The following SPATS2 variants were observed in gnomAD, a reference collection of about 807,000 sequenced individuals.
The protein encoded by SPATS2 is spermatogenesis associated serine rich 2.
In SPATS2, 38 loss-of-function variants were observed where a neutral mutation model predicts 63.7. The observed-to-expected ratio is 0.60, with a 90% CI of 0.46 to 0.78. SPATS2 has a LOEUF of 0.78. Ranked by LOEUF, SPATS2 falls within the 30% of genes least tolerant of loss-of-function variation. SPATS2 has a pLI of 0.00. For missense variants in SPATS2, 588 were observed against 666.2 expected, an observed-to-expected ratio of 0.88 and a Z score of 1.29; for synonymous variants, 207 against 232.9, an observed-to-expected ratio of 0.89 and a Z score of 1.01.
intron 3 of SPATS2, among the ~76,000 whole-genome samples, chr12:49,464,253 C>G (rs1443527611): frequency 6.6e-6 from 1 of 152,068 alleles, no homozygotes; most frequent in African/African-American, 2.4e-5. Context: ...CCTATAATCT[C>G]AGCACTTAGG....
At chr12:49,417,055 C>T (rs535501723) in intron 2 of SPATS2, among the ~76,000 whole-genome samples, 67 of 152,272 alleles carry the variant, frequency 4.4e-4, no homozygotes, top group African/African-American at 1.5e-3. Context: ...ACTGGTTTGT[C>T]AAGAGCTGTG....
At chr12:49,492,288 C>T (rs533231166) in intron 6 of SPATS2, among the ~76,000 whole-genome samples, 3 of 151,348 alleles carry the variant, frequency 2.0e-5, no homozygotes, top group Admixed American at 6.6e-5. Flanking sequence ...GGCGCGATCT[C>T]GGCTCACTGC....
In SPATS2 at chr12:49,524,671, T is replaced by G. The variant is rs963267645; in HGVS notation, c.1112-11T>G. The G allele has an allele frequency of 5.0e-6, 8 of 1,613,720 alleles. No homozygotes were observed. The African/African-American group carries it at 9.3e-5, about 19-fold the overall frequency. ...TCATATGATCATATATTCCTCATAT[T>G]TCTGTTTCAGTGTCTCATCCAAAGA... On this transcript the variant is annotated splice_polypyrimidine_tract_variant and intron_variant, in intron 12 of 13. Transcript: ENST00000552918.
intron 3 of SPATS2, among the ~76,000 whole-genome samples, chr12:49,476,474 TC>T (rs1946120011): frequency 6.6e-6 from 1 of 152,080 alleles, no homozygotes; most frequent in South Asian, 2.1e-4. Flanking sequence ...GATACAGAAA[TC>T]CCTCTGTCCC....
chr12:49,498,021 A>T (rs923391225), intron 8 of SPATS2, among the ~76,000 whole-genome samples: 1 of 151,518 alleles, frequency 6.6e-6, no homozygotes, highest in Admixed American at 6.6e-5. Flanking sequence ...TCTTTATGGA[A>T]TTATTTATTA....
chr12:49,382,370 C>T (rs889784702), intron 2 of SPATS2, among the ~76,000 whole-genome samples: 3 of 152,256 alleles, frequency 2.0e-5, no homozygotes, highest in Non-Finnish European at 4.4e-5. Flanking sequence ...TCCCAGTTTT[C>T]TTCCCCATGG....
chr12:49,424,846 A>G (rs1945044738), intron 2 of SPATS2, among the ~76,000 whole-genome samples: 1 of 151,886 alleles, frequency 6.6e-6, no homozygotes, highest in Admixed American at 6.6e-5. Context: ...CGCCCAGCTA[A>G]TTTTTGTACT....
At chr12:49,475,937 CGGGAAGGGAAGTGCT>C (rs796741281) in intron 3 of SPATS2, among the ~76,000 whole-genome samples, 84 of 152,028 alleles carry the variant, frequency 5.5e-4, no homozygotes, top group African/African-American at 1.6e-3. Context: ...ATAGGGAAGT[CGGGAAGGGAAGTGCT>C]GGGAAGGGAA....
At chr12:49,431,577 A>G (rs1945187078) in intron 2 of SPATS2, among the ~76,000 whole-genome samples, 1 of 152,214 alleles carries the variant, frequency 6.6e-6, no homozygotes, top group Non-Finnish European at 1.5e-5. Flanking sequence ...ACATTTGCAC[A>G]GTATTCTCAT....
intron 2 of SPATS2, among the ~76,000 whole-genome samples, chr12:49,450,856 GTTTTGTTTTGTT>G (rs1466665336): frequency 6.7e-6 from 1 of 149,734 alleles, no homozygotes; most frequent in Non-Finnish European, 1.5e-5. Context: ...TTTTTGTTTT[GTTTTGTTTTGTT>G]TTTTGTTTTT....
At chr12:49,392,287 T>G (rs1384295711) in intron 2 of SPATS2, among the ~76,000 whole-genome samples, 1 of 152,136 alleles carries the variant, frequency 6.6e-6, no homozygotes, top group Non-Finnish European at 1.5e-5. Context: ...ATGTCTGAGG[T>G]ATGTACTGCA....
chr12:49,508,233 A>T, intron 9 of SPATS2, among the ~76,000 whole-genome samples: 1 of 150,582 alleles, frequency 6.6e-6, no homozygotes. Context: ...TTTTAGACTG[A>T]GTCTCGTTCT....
intron 2 of SPATS2, among the ~76,000 whole-genome samples, chr12:49,438,163 A>G (rs543209739): frequency 2.0e-5 from 3 of 151,834 alleles, no homozygotes; most frequent in African/African-American, 7.3e-5. Context: ...TCTATCACTG[A>G]TATTATTTTT....
chr12:49,450,359 C>G (rs1002029351), intron 2 of SPATS2, among the ~76,000 whole-genome samples: 1 of 152,050 alleles, frequency 6.6e-6, no homozygotes, highest in African/African-American at 2.4e-5. Context: ...ACGCCATTCT[C>G]CTGCCTCAGC....
intron 2 of SPATS2, chr12:49,386,935 A>C (rs771402294): frequency 6.6e-6 from 1 of 152,258 alleles, no homozygotes; most frequent in Non-Finnish European, 1.5e-5. Flanking sequence ...CGGTATGGAA[A>C]GATCATCTTT....
intron 2 of SPATS2, among the ~76,000 whole-genome samples, chr12:49,376,227 G>A (rs1051298335): frequency 2.0e-5 from 3 of 149,376 alleles, no homozygotes; most frequent in South Asian, 2.1e-4. Context: ...TCAGCCTCCC[G>A]AGTAGCTGGG....
At chr12:49,389,776 G>C in intron 2 of SPATS2, 1 of 1,233,666 alleles carries the variant, frequency 8.1e-7, no homozygotes, top group Admixed American at 1.7e-5. Context: ...AAAGAATTGC[G>C]TACATCCCTG....
chr12:49,381,557 G>A (rs1415437741), intron 2 of SPATS2, among the ~76,000 whole-genome samples: 7 of 152,146 alleles, frequency 4.6e-5, no homozygotes, highest in Non-Finnish European at 1.0e-4. Context: ...TATTATCAAT[G>A]TTTAATTAAT....
At chr12:49,485,224 G>A (rs935117018) in intron 4 of SPATS2, among the ~76,000 whole-genome samples, 1 of 151,824 alleles carries the variant, frequency 6.6e-6, no homozygotes, top group African/African-American at 2.4e-5. Context: ...CCACCACCAT[G>A]CCCGGCTAAT....
Sources: gnomAD v4.1 joint callset for allele counts (sites outside exome capture counted in the v4.1 genomes callset) on GRCh38, gnomAD v4.1.1 for gene constraint, MANE v1.5 for transcripts, NCBI Gene and HGNC (gene_info 2026-07-23, HGNC 2026-07-21) for gene names.